BCAP31: variants seen among roughly 807,000 people sequenced by gnomAD.
The protein encoded by BCAP31 is B-cell receptor-associated protein 31.
For missense variants in BCAP31, 124 were observed against 193.0 expected, an observed-to-expected ratio of 0.64 and a Z score of 2.12; for synonymous variants, 75 against 80.9, an observed-to-expected ratio of 0.93 and a Z score of 0.39.
intron 4 of BCAP31, among the ~76,000 whole-genome samples, chrX:153,713,275 C>T (rs917950037): frequency 2.8e-4 from 31 of 111,381 alleles, no homozygotes; most frequent in African/African-American, 3.3e-5. Context: ...ACATGGCAGC[C>T]ACTCATGTGG....
chrX:153,722,549 G>A (rs2091674365), intron 2 of BCAP31, among the ~76,000 whole-genome samples: 2 of 111,764 alleles, frequency 1.8e-5, no homozygotes, highest in African/African-American at 6.5e-5. Flanking sequence ...AATTTTTCAC[G>A]AAAAAACGGC....
chrX:153,720,791 A>T, intron 3 of BCAP31, 81 bp downstream of exon 3: 1 of 931,913 alleles, frequency 1.1e-6, no homozygotes, highest in Non-Finnish European at 1.5e-6. Flanking sequence ...ACTGGATGCT[A>T]CACATCAAAA....
intron 5 of BCAP31, among the ~76,000 whole-genome samples, chrX:153,703,455 C>T (rs1257620195): frequency 1.8e-5 from 2 of 112,822 alleles, no homozygotes; most frequent in Admixed American, 9.3e-5. Flanking sequence ...AGCCCCCAGT[C>T]GGCCTGGCCA....
At chrX:153,707,609 G>A in intron 4 of BCAP31, among the ~76,000 whole-genome samples, 1 of 112,054 alleles carries the variant, frequency 8.9e-6, no homozygotes, top group East Asian at 2.8e-4. Flanking sequence ...GAAGACAGGA[G>A]TGGGAAGGCG....
intron 7 of BCAP31, among the ~76,000 whole-genome samples, chrX:153,701,646 C>T (rs1300694122): frequency 8.9e-6 from 1 of 112,719 alleles, no homozygotes; most frequent in African/African-American, 3.2e-5. Context: ...CTTTGCCCTA[C>T]GTCACTCCCC....
intron 3 of BCAP31, among the ~76,000 whole-genome samples, chrX:153,718,763 C>T (rs1224664611): frequency 8.9e-6 from 1 of 111,877 alleles, no homozygotes; most frequent in Non-Finnish European, 1.9e-5. Context: ...TGGCCAATGA[C>T]CAATAGTGGG....
chrX:153,723,753 C>A, intron 1 of BCAP31: 2 of 1,051,348 alleles, frequency 1.9e-6, no homozygotes, highest in Non-Finnish European at 1.3e-6. Flanking sequence ...AGGCCCAAGG[C>A]CGCACCTAGT....
chrX:153,720,044 G>A (rs6643777), intron 3 of BCAP31, among the ~76,000 whole-genome samples: 10,777 of 111,531 alleles, frequency 0.097, 424 homozygotes, highest in South Asian at 0.15. Flanking sequence ...CCCAAGATAT[G>A]CTGCCACACA....
intron 2 of BCAP31, among the ~76,000 whole-genome samples, chrX:153,722,024 C>A (rs923712230): frequency 4.5e-5 from 5 of 112,103 alleles, no homozygotes; most frequent in Admixed American, 1.9e-4. Context: ...TTGCCCCATA[C>A]ACGTTATTTC....
intron 2 of BCAP31, 57 bp from the exon 3 acceptor site, chrX:153,721,029 G>A: frequency 9.6e-7 from 1 of 1,042,728 alleles, no homozygotes; most frequent in Non-Finnish European, 1.3e-6. Context: ...ACGAGCTCTA[G>A]GGCCCTGAGC....
chrX:153,721,946 A>T (rs1254441318), intron 2 of BCAP31, among the ~76,000 whole-genome samples: 1 of 110,828 alleles, frequency 9.0e-6, no homozygotes, highest in African/African-American at 3.3e-5. Flanking sequence ...CAAAAAGAAA[A>T]CATACTGGTA....
At chrX:153,720,367 CTTTT>C (rs374189368) in intron 3 of BCAP31, among the ~76,000 whole-genome samples, 1 of 100,910 alleles carries the variant, frequency 9.9e-6, no homozygotes, top group Non-Finnish European at 2.0e-5. Context: ...AGAGGGGCCT[CTTTT>C]TTTTTTTTTT....
chrX:153,707,621 C>A (rs187320550), intron 4 of BCAP31, among the ~76,000 whole-genome samples: 2 of 111,922 alleles, frequency 1.8e-5, no homozygotes, highest in African/African-American at 6.5e-5. Context: ...GGGAAGGCGC[C>A]GTCTCAGACC....
At chrX:153,716,112 G>A (rs2091625576) in intron 3 of BCAP31, among the ~76,000 whole-genome samples, 1 of 104,990 alleles carries the variant, frequency 9.5e-6, no homozygotes, top group Non-Finnish European at 1.9e-5. Flanking sequence ...GTTGCAGTGA[G>A]CCGAAATTGA....
At chrX:153,721,542 C>CTGGAGTGCAGAGGTG (rs2091666863) in intron 2 of BCAP31, among the ~76,000 whole-genome samples, 1 of 90,394 alleles carries the variant, frequency 1.1e-5, no homozygotes, top group Non-Finnish European at 2.1e-5. Context: ...GTTGCCCAGG[C>CTGGAGTGCAGAGGTG]TGGAGTGCAG....
At position 153,701,031 on chromosome X, in the gene BCAP31, G is replaced by T. The variant is rs1454356793; in HGVS notation, c.703-56C>A. ...GGTTGGCCGGGTCCACTCCTCCCCT[G>T]CCACCTCCAGCCCCATGCCCCAGAG... On this transcript the variant is annotated intron_variant, in intron 7 of 7. Transcript: ENST00000345046. The T allele has an allele frequency of 5.8e-6, 6 of 1,041,916 alleles. No homozygotes were observed. In the African/African-American group the frequency reaches 9.4e-5, roughly 16 times the overall value. 85.9% of individuals were successfully genotyped at this position (1,041,916 alleles called of 1,213,427 possible).
intron 7 of BCAP31, 81 bp from the exon 8 acceptor site, chrX:153,701,056 G>T: frequency 1.1e-6 from 1 of 874,719 alleles, no homozygotes; most frequent in Non-Finnish European, 1.6e-6. Flanking sequence ...ATGCCCCAGA[G>T]GTCCACCTCG....
chrX:153,718,091 G>A (rs1367365958), intron 3 of BCAP31, among the ~76,000 whole-genome samples: 3 of 110,854 alleles, frequency 2.7e-5, no homozygotes, highest in African/African-American at 6.6e-5. Context: ...CGAGGTGGGC[G>A]GATCACTTGA....
intron 4 of BCAP31, among the ~76,000 whole-genome samples, chrX:153,715,263 A>C (rs2091618968): frequency 8.9e-6 from 1 of 112,162 alleles, no homozygotes; most frequent in South Asian, 3.6e-4. Flanking sequence ...CTCACTCTCC[A>C]TGCAAACAGA....
Sources: allele counts gnomAD v4.1 joint callset (sites outside exome capture counted in the v4.1 genomes callset), GRCh38; gene constraint gnomAD v4.1.1; transcripts MANE v1.5; gene names NCBI Gene and HGNC (gene_info 2026-07-23, HGNC 2026-07-21).